The following HELQ variants were observed in gnomAD, a reference collection of about 807,000 sequenced individuals.
The protein encoded by HELQ is helicase POLQ-like.
HELQ carries 77 observed loss-of-function variants against 111.6 expected under a neutral mutation model. That is an observed-to-expected ratio of 0.69 (90% confidence interval 0.57 to 0.83). The LOEUF is 0.83. HELQ is among the 40% of genes least tolerant of loss of function. HELQ has a pLI of 0.00. For missense variants in HELQ, 1,200 were observed against 1,288.5 expected (o/e 0.93, Z 1.05); for synonymous variants, 438 against 454.7 (o/e 0.96, Z 0.47).
chr4:83,453,173 C>A, intron 2 of HELQ, 58 bp downstream of exon 2: 2 of 924,912 alleles, frequency 2.2e-6, no homozygotes, highest in Non-Finnish European at 3.4e-6. Flanking sequence ...TATTTACTTG[C>A]ACTAATATTA....
chr4:83,434,128 C>A (rs1346857204), intron 9 of HELQ, among the ~76,000 whole-genome samples: 1 of 151,764 alleles, frequency 6.6e-6, no homozygotes, highest in Non-Finnish European at 1.5e-5. Flanking sequence ...TCTAGCACTT[C>A]GGGAGGCCAC....
chr4:83,419,660 GA>G (rs1312909086), intron 15 of HELQ, among the ~76,000 whole-genome samples: 1 of 151,406 alleles, frequency 6.6e-6, no homozygotes, highest in Non-Finnish European at 1.5e-5. Flanking sequence ...AAAACAAAGG[GA>G]AAAAATATTA....
intron 9 of HELQ, among the ~76,000 whole-genome samples, chr4:83,433,149 C>A (rs982027326): frequency 6.6e-6 from 1 of 151,890 alleles, no homozygotes; most frequent in African/African-American, 2.4e-5. Flanking sequence ...GAAGAAAAAA[C>A]CTATTGTTTA....
intron 6 of HELQ, among the ~76,000 whole-genome samples, chr4:83,442,442 C>T (rs1181416734): frequency 2.0e-5 from 3 of 148,156 alleles, no homozygotes; most frequent in South Asian, 2.1e-4. Flanking sequence ...TTTTTTTTTT[C>T]TCTCTCTTGC....
intron 16 of HELQ, among the ~76,000 whole-genome samples, chr4:83,417,157 A>T (rs907698976): frequency 6.6e-6 from 1 of 151,930 alleles, no homozygotes; most frequent in Non-Finnish European, 1.5e-5. Flanking sequence ...CCTCAAGTAA[A>T]ATGTTCTAGT....
chr4:83,431,253 GA>G (rs897449173), intron 11 of HELQ, among the ~76,000 whole-genome samples: 3 of 144,994 alleles, frequency 2.1e-5, no homozygotes, highest in Non-Finnish European at 3.0e-5. Context: ...CCATCTCTAA[GA>G]AAAAAAAAAG....
intron 2 of HELQ, among the ~76,000 whole-genome samples, chr4:83,450,938 A>T (rs1017309814): frequency 6.6e-6 from 1 of 152,172 alleles, no homozygotes; most frequent in African/African-American, 2.4e-5. Flanking sequence ...GCCAGGTCGT[A>T]TTCCTAGAGG....
At chr4:83,443,311 C>A (rs2110003976) in intron 6 of HELQ, among the ~76,000 whole-genome samples, 1 of 152,260 alleles carries the variant, frequency 6.6e-6, no homozygotes, top group East Asian at 1.9e-4. Context: ...GCTATAGATA[C>A]ATTAGTGACC....
At chr4:83,441,157 A>T (rs1317621980) in intron 7 of HELQ, 148 bp downstream of exon 7, 1 of 609,008 alleles carries the variant, frequency 1.6e-6, no homozygotes, top group African/African-American at 1.9e-5. Context: ...GCTATCTTGA[A>T]CTGGCAGTCT....
intron 12 of HELQ, among the ~76,000 whole-genome samples, chr4:83,428,183 G>T (rs370318911): frequency 1.3e-5 from 2 of 152,068 alleles, no homozygotes; most frequent in Non-Finnish European, 2.9e-5. Flanking sequence ...ATATTTAAAT[G>T]ATCATTCCAT....
Position 83,425,986 on chromosome 4 carries a change from T to G in HELQ, c.2775+8A>C, listed in dbSNP as rs779843756. 4.0e-6 allele frequency: 6 copies of G among 1,494,512 alleles called. No individual in the cohort carries two copies. In the Admixed American group the frequency reaches 1.0e-4, roughly 26 times the overall value. The allele number at this position is 1,494,512 out of a possible 1,614,324, so 92.6% of individuals were successfully genotyped here. On this transcript the variant is annotated splice_region_variant and intron_variant, in intron 14 of 17. Transcript: ENST00000295488. ...TTATTATTTAGGAAGAAAAAAAGAA[T>G]GTGGTACCTTTCCGATGGCTTGGCC...
At chr4:83,411,487 G>A (rs1228403437) in intron 17 of HELQ, among the ~76,000 whole-genome samples, 6 of 150,930 alleles carry the variant, frequency 4.0e-5, no homozygotes, top group East Asian at 2.0e-4. Context: ...GCCTGTGGTC[G>A]CAGTTACTTG....
intron 17 of HELQ, among the ~76,000 whole-genome samples, chr4:83,414,680 A>C (rs1402053066): frequency 6.6e-6 from 1 of 152,196 alleles, no homozygotes. Flanking sequence ...CTGATAAATG[A>C]ATAAATAAAG....
Position 83,436,958 on chromosome 4 carries a change from C to T in HELQ, c.1948G>A (p.Asp650Asn), listed in dbSNP as rs1461933149. 6.2e-7 allele frequency: 1 copy of T among 1,614,210 alleles called. No individual in the cohort carries two copies. Among genetic ancestry groups the T allele is most frequent in the South Asian group, 1.1e-5 (1 of 91,086 alleles). The change falls in exon 9 of 18, where the codon GAT becomes AAT. Residue 650 changes from aspartate to asparagine, a missense_variant. Asp to Asn is a conservative substitution (Grantham distance 23, BLOSUM62 1). Around this residue, in one of 3 missense-constraint regions of HELQ, gnomAD observed 585 missense variants for 665.3 expected, o/e 0.88. Transcript: ENST00000295488. ...VAYHHSGLTS[D>N]ERKLLEEAYS... ...GCCTCCTCCAAGAGTTTCCTTTCATCACTTGTTAAGCCACTGTGGTGATAG... is the reference window on the plus strand; with the variant it reads ...GCCTCCTCCAAGAGTTTCCTTTCATTACTTGTTAAGCCACTGTGGTGATAG...
intron 14 of HELQ, among the ~76,000 whole-genome samples, chr4:83,424,419 C>T (rs1719732861): frequency 6.6e-6 from 1 of 152,152 alleles, no homozygotes; most frequent in Admixed American, 6.5e-5. Flanking sequence ...TGCTTAAGTA[C>T]TACAGATACT....
At chr4:83,450,269 C>T (rs943593065) in intron 2 of HELQ, among the ~76,000 whole-genome samples, 20 of 134,106 alleles carry the variant, frequency 1.5e-4, no homozygotes, top group Non-Finnish European at 2.5e-4. Flanking sequence ...ATCATTGCCC[C>T]GGAGTGGTGG....
intron 9 of HELQ, among the ~76,000 whole-genome samples, chr4:83,434,786 C>A (rs1044957836): frequency 1.3e-5 from 2 of 152,064 alleles, no homozygotes; most frequent in South Asian, 2.1e-4. Context: ...AAAAAAATTA[C>A]ATGGCACAAA....
intron 8 of HELQ, among the ~76,000 whole-genome samples, chr4:83,439,610 C>T (rs1402069630): frequency 6.6e-6 from 1 of 152,146 alleles, no homozygotes; most frequent in Non-Finnish European, 1.5e-5. Context: ...ATCCACCCAC[C>T]TCGGCCTCCC....
chr4:83,452,088 C>A (rs1314398622), intron 2 of HELQ, among the ~76,000 whole-genome samples: 2 of 152,166 alleles, frequency 1.3e-5, no homozygotes, highest in African/African-American at 4.8e-5. Flanking sequence ...TGCAAGGACC[C>A]TGGATTTTTG....
Sources: gnomAD v4.1 joint callset for allele counts (sites outside exome capture counted in the v4.1 genomes callset) on GRCh38, gnomAD v4.1.1 for gene constraint, gnomAD v4.1.1 regional missense constraint, MANE v1.5 for transcripts, NCBI Gene and HGNC (gene_info 2026-07-23, HGNC 2026-07-21) for gene names.